CACNA1E: variants seen among roughly 807,000 people sequenced by gnomAD.
The protein encoded by CACNA1E is calcium voltage-gated channel subunit alpha1 E.
Under a neutral mutation model 259.2 loss-of-function variants are expected in CACNA1E, and 40 were observed. The ratio of observed to expected loss-of-function variants is 0.15; its 90% CI spans 0.12 to 0.20. The LOEUF (loss-of-function observed/expected upper bound fraction) is 0.20. CACNA1E is among the 10% of genes least tolerant of loss of function. The pLI is 1.00. For missense variants in CACNA1E, 1,874 were observed against 3,040.1 expected (o/e 0.62, Z 9.02); for synonymous variants, 1,104 against 1,138.5 (o/e 0.97, Z 0.61).
chr1:181,723,451 C>A (rs115417091), intron 16 of CACNA1E, among the ~76,000 whole-genome samples: 52 of 152,308 alleles, frequency 3.4e-4, no homozygotes, highest in African/African-American at 1.3e-3. Context: ...ACAATTAATG[C>A]AGAAGACTTC....
Position 181,785,433 on chromosome 1 carries a change from C to T in CACNA1E, c.5679+15C>T. ...TGGAGGAACAGGTGAAAGTCAATGC[C>T]AGCATGCTAAGTGGGTGGGCCATGA... On this transcript the variant is annotated intron_variant, in intron 42 of 47. Coordinates refer to ENST00000367573, the MANE Select transcript of CACNA1E (RefSeq NM_001205293.3). 1.3e-6 allele frequency: 2 copies of T among 1,555,744 alleles called. No individual in the cohort carries two copies. Among genetic ancestry groups the T allele is most frequent in the Non-Finnish European group, 1.8e-6 (2 of 1,129,352 alleles).
intron 3 of CACNA1E, among the ~76,000 whole-genome samples, chr1:181,547,545 C>T (rs1367873578): frequency 6.6e-6 from 1 of 152,232 alleles, no homozygotes; most frequent in African/African-American, 2.4e-5. Flanking sequence ...AGTAACTTGC[C>T]ACTGACTACA....
At chr1:181,656,235 G>T (rs1659196300) in intron 7 of CACNA1E, among the ~76,000 whole-genome samples, 1 of 152,138 alleles carries the variant, frequency 6.6e-6, no homozygotes, top group Non-Finnish European at 1.5e-5. Flanking sequence ...TCCAGAGGAA[G>T]GCATTGTCAT....
At chr1:181,605,503 A>G (rs1273273562) in intron 6 of CACNA1E, among the ~76,000 whole-genome samples, 1 of 152,236 alleles carries the variant, frequency 6.6e-6, no homozygotes, top group Non-Finnish European at 1.5e-5. Context: ...AGGAATAAAA[A>G]CTACCAAAAG....
upstream of CACNA1E, among the ~76,000 whole-genome samples, chr1:181,482,529 G>T (rs1034405425): frequency 1.3e-5 from 2 of 152,256 alleles, no homozygotes; most frequent in Non-Finnish European, 2.9e-5. Flanking sequence ...CACCTTCCAG[G>T]AACCTCCAGC....
intron 32 of CACNA1E, among the ~76,000 whole-genome samples, chr1:181,760,231 G>A (rs745914853): frequency 5.9e-5 from 9 of 152,018 alleles, no homozygotes; most frequent in Non-Finnish European, 1.2e-4. Context: ...AACTAGATTC[G>A]GCCCTTGAAG....
At position 181,732,546 on chromosome 1, in the gene CACNA1E, C is replaced by T. The variant is rs1373774924; in HGVS notation, c.2460C>T (p.Leu820=). ...PLNPLSSLNP[L]NAHPSLYRRP... is the part of the protein sequence containing the mutation. ...ACCCGCTCAGCTCCCTCAACCCGCT[C>T]AATGCCCACCCCAGCCTTTATCGGC... The change falls in exon 20 of 48, where the codon CTC becomes CTT. Residue 820 remains leucine, a synonymous_variant. Transcript: ENST00000367573. The surrounding 1 kb of genome is among the most constrained non-coding windows in gnomAD (Gnocchi z 5.5). The T allele has an allele frequency of 1.3e-6, 2 of 1,549,394 alleles. No individual in the cohort carries two copies. Among genetic ancestry groups the T allele is most frequent in the African/African-American group, 1.4e-5 (1 of 72,986 alleles).
At chr1:181,762,725 A>G in intron 33 of CACNA1E, 68 bp downstream of exon 33, 1 of 890,208 alleles carries the variant, frequency 1.1e-6, no homozygotes, top group South Asian at 1.5e-5. Context: ...ACTCCTCTGT[A>G]TATTCAGTCC....
intron 7 of CACNA1E, among the ~76,000 whole-genome samples, chr1:181,684,921 A>C (rs1328042089): frequency 6.6e-6 from 1 of 151,318 alleles, no homozygotes; most frequent in African/African-American, 2.4e-5. Flanking sequence ...ACAGAAAATA[A>C]ACAGGGTAAT....
intron 1 of CACNA1E, among the ~76,000 whole-genome samples, chr1:181,366,542 T>G (rs1438915410): frequency 6.6e-6 from 1 of 152,134 alleles, no homozygotes; most frequent in Non-Finnish European, 1.5e-5. Flanking sequence ...CCTACCAAGG[T>G]GAGGCCACAG....
chr1:181,347,619 AGTGACTCGGGGTTTGTT>A (rs1346811420), intron 1 of CACNA1E, among the ~76,000 whole-genome samples: 2 of 152,078 alleles, frequency 1.3e-5, no homozygotes, highest in Non-Finnish European at 2.9e-5. Flanking sequence ...CTCCTCCACC[AGTGACTCGGGGTTTGTT>A]GTGACTCAGG....
intron 1 of CACNA1E, among the ~76,000 whole-genome samples, chr1:181,406,794 G>A (rs1657496714): frequency 6.6e-6 from 1 of 152,056 alleles, no homozygotes; most frequent in Non-Finnish European, 1.5e-5. Context: ...TTCATACCCA[G>A]CTTCAGAGCG....
chr1:181,628,320 T>C (rs550414327), intron 6 of CACNA1E, among the ~76,000 whole-genome samples: 1 of 152,282 alleles, frequency 6.6e-6, no homozygotes, highest in East Asian at 1.9e-4. Flanking sequence ...AGTGGCTCTG[T>C]TTCTCAAGAA....
intron 1 of CACNA1E, among the ~76,000 whole-genome samples, chr1:181,353,355 C>T (rs2102678828): frequency 6.6e-6 from 1 of 152,316 alleles, no homozygotes; most frequent in South Asian, 2.1e-4. Flanking sequence ...CTACAGAGTG[C>T]TTCAGTCCTG....
chr1:181,572,224 G>T (rs189456749), intron 3 of CACNA1E, among the ~76,000 whole-genome samples: 189 of 152,294 alleles, frequency 1.2e-3, no homozygotes, highest in Non-Finnish European at 2.2e-3. Context: ...GGAATGCAAG[G>T]TTGGAGAATT....
Position 181,763,519 on chromosome 1 carries a change from G to T in CACNA1E, c.4803G>T (p.Val1601=), listed in dbSNP as rs1658765874. Residue 1601 remains valine, a synonymous_variant, in exon 34 of 48, where the codon GTG becomes GTT. Transcript: ENST00000367573. ...YTIRILLWTF[V]QSFKALPYVC... ...TACGCATTTTGCTGTGGACCTTTGT[G>T]CAGTCCTTTAAGGTAAGAGGTACCA... is the stretch of plus-strand genomic sequence containing the variant. The T allele has an allele frequency of 6.3e-7, 1 of 1,579,560 alleles. No homozygotes were observed. The highest frequency in any genetic ancestry group is 1.7e-5 in the Admixed American group (1 of 59,096).
At chr1:181,370,064 T>G (rs1466610332) in intron 1 of CACNA1E, among the ~76,000 whole-genome samples, 2 of 152,070 alleles carry the variant, frequency 1.3e-5, no homozygotes, top group African/African-American at 4.8e-5. Context: ...TTTTTCAAAA[T>G]TATTAATTGA....
chr1:181,540,257 G>T (rs1481879965), intron 3 of CACNA1E, among the ~76,000 whole-genome samples: 1 of 152,134 alleles, frequency 6.6e-6, no homozygotes, highest in Non-Finnish European at 1.5e-5. Flanking sequence ...GGAATGCCCT[G>T]TATCCTCATC....
chr1:181,710,719 G>T (rs1398131930), intron 7 of CACNA1E, among the ~76,000 whole-genome samples: 1 of 152,250 alleles, frequency 6.6e-6, no homozygotes. Context: ...CAAGCAATCA[G>T]TTGGTCCTGA....
Sources: allele counts gnomAD v4.1 joint callset (sites outside exome capture counted in the v4.1 genomes callset), GRCh38; gene constraint gnomAD v4.1.1; non-coding constraint Gnocchi (gnomAD v3.1); transcripts MANE v1.5; gene names NCBI Gene and HGNC (gene_info 2026-07-23, HGNC 2026-07-21).